The following ABCG1 variants were observed in gnomAD, a reference collection of about 807,000 sequenced individuals.
The protein encoded by ABCG1 is ATP-binding cassette sub-family G member 1.
Under a neutral mutation model 69.2 loss-of-function variants are expected in ABCG1, and 29 were observed. The observed-to-expected ratio is 0.42, with a 90% CI of 0.31 to 0.57. The LOEUF (loss-of-function observed/expected upper bound fraction) is 0.57. ABCG1 is among the 20% of genes least tolerant of loss of function. The pLI is 0.15. For synonymous variants in ABCG1, 370 were observed against 374.8 expected (o/e 0.99, Z 0.15); for missense variants, 718 against 898.1 (o/e 0.80, Z 2.56).
At chr21:42,250,829 G>C (rs1166289392) in intron 2 of ABCG1, among the ~76,000 whole-genome samples, 1 of 152,206 alleles carries the variant, frequency 6.6e-6, no homozygotes. Flanking sequence ...ATGGAGGCAG[G>C]GTCAGGAGCC....
chr21:42,259,882 C>G, intron 2 of ABCG1: 3 of 1,444,910 alleles, frequency 2.1e-6, no homozygotes, highest in Non-Finnish European at 1.8e-6. Flanking sequence ...CAAAGGAGCA[C>G]AGCGGGAGAA....
chr21:42,244,576 G>T (rs926254576), intron 2 of ABCG1, among the ~76,000 whole-genome samples: 1 of 152,148 alleles, frequency 6.6e-6, no homozygotes, highest in Non-Finnish European at 1.5e-5. Context: ...TTTTGGTGAA[G>T]AAATTGAGCT....
chr21:42,290,246 T>A, intron 11 of ABCG1, 28 bp downstream of exon 11: 1 of 1,600,262 alleles, frequency 6.2e-7, no homozygotes, highest in African/African-American at 1.3e-5. Flanking sequence ...GACCCCTTCT[T>A]CCTTATTTTC....
At chr21:42,266,300 C>T (rs2068504157) in intron 2 of ABCG1, among the ~76,000 whole-genome samples, 1 of 145,470 alleles carries the variant, frequency 6.9e-6, no homozygotes, top group Non-Finnish European at 1.5e-5. Context: ...GACTCTGTCT[C>T]AAAATAAATA....
At chr21:42,212,467 C>T (rs2067598217), upstream of ABCG1, among the ~76,000 whole-genome samples, 1 of 151,982 alleles carries the variant, frequency 6.6e-6, no homozygotes, top group Non-Finnish European at 1.5e-5. Flanking sequence ...GTTGAGGTGT[C>T]AGACAGAAAT....
At chr21:42,201,235 C>A (rs2067503701) in intron 1 of ABCG1, among the ~76,000 whole-genome samples, 1 of 152,134 alleles carries the variant, frequency 6.6e-6, no homozygotes, top group African/African-American at 2.4e-5. Context: ...CACTCCCCAG[C>A]ACGAGCACCA....
At chr21:42,215,426 T>C (rs550143199), upstream of ABCG1, among the ~76,000 whole-genome samples, 3 of 152,274 alleles carry the variant, frequency 2.0e-5, no homozygotes, top group East Asian at 5.8e-4. Flanking sequence ...GAAGGCCAGA[T>C]GGAATAAGAG....
chr21:42,286,046 T>C (rs1007815054), intron 8 of ABCG1, 52 bp downstream of exon 8: 5 of 1,299,006 alleles, frequency 3.8e-6, no homozygotes, highest in African/African-American at 2.9e-5. Context: ...TTTCCTCCTC[T>C]GTGGGTCTCA....
chr21:42,268,455 GC>G (rs1361607607), intron 2 of ABCG1, among the ~76,000 whole-genome samples: 3 of 151,920 alleles, frequency 2.0e-5, no homozygotes, highest in Non-Finnish European at 4.4e-5. Flanking sequence ...TGTTTCCTGG[GC>G]CCCTCAGCCC....
intron 13 of ABCG1, among the ~76,000 whole-genome samples, chr21:42,294,185 T>A (rs1052280831): frequency 1.3e-5 from 2 of 152,164 alleles, no homozygotes; most frequent in Non-Finnish European, 2.9e-5. Context: ...GCCACACACC[T>A]GCCACAGGCC....
chr21:42,263,241 T>C (rs2068443707), intron 2 of ABCG1, among the ~76,000 whole-genome samples: 2 of 152,224 alleles, frequency 1.3e-5, no homozygotes, highest in Non-Finnish European at 2.9e-5. Context: ...GGGGGTAATC[T>C]CCATCTCAGA....
chr21:42,233,362 G>A (rs1373668220), intron 2 of ABCG1, among the ~76,000 whole-genome samples: 3 of 152,158 alleles, frequency 2.0e-5, no homozygotes, highest in Non-Finnish European at 4.4e-5. Context: ...CCTGCCCCGT[G>A]GAGGGAGCCT....
upstream of ABCG1, among the ~76,000 whole-genome samples, chr21:42,213,341 G>A (rs1212393044): frequency 1.3e-5 from 2 of 152,238 alleles, no homozygotes; most frequent in Non-Finnish European, 2.9e-5. Context: ...AATAAACCTT[G>A]GGCTTCTGTG....
At chr21:42,284,294 C>CA (rs932612705) in intron 6 of ABCG1, among the ~76,000 whole-genome samples, 5 of 150,408 alleles carry the variant, frequency 3.3e-5, no homozygotes, top group East Asian at 1.9e-4. Flanking sequence ...GACCCCCCCC[C>CA]AGTCCTGGAC....
At chr21:42,268,033 G>C (rs2068545823) in intron 2 of ABCG1, among the ~76,000 whole-genome samples, 1 of 152,206 alleles carries the variant, frequency 6.6e-6, no homozygotes, top group Non-Finnish European at 1.5e-5. Context: ...CCATCTGGCT[G>C]TTTCAAATAC....
chr21:42,283,603 G>A (rs1385421249), intron 6 of ABCG1, among the ~76,000 whole-genome samples: 1 of 152,104 alleles, frequency 6.6e-6, no homozygotes, highest in Non-Finnish European at 1.5e-5. Flanking sequence ...GTGACTGCGG[G>A]GCACTAGACC....
chr21:42,206,406 A>T (rs1217896611), intron 2 of ABCG1, among the ~76,000 whole-genome samples: 1 of 151,836 alleles, frequency 6.6e-6, no homozygotes, highest in East Asian at 1.9e-4. Flanking sequence ...AAACAAACAC[A>T]ATCTGTACAA....
intron 2 of ABCG1, among the ~76,000 whole-genome samples, chr21:42,239,314 G>C (rs1350478819): frequency 1.3e-5 from 2 of 152,228 alleles, no homozygotes; most frequent in African/African-American, 4.8e-5. Flanking sequence ...ACTGTGACCA[G>C]CTTGTGGCAC....
chr21:42,260,078 A>C (rs777698803), intron 2 of ABCG1: 52 of 1,550,554 alleles, frequency 3.4e-5, no homozygotes, highest in Non-Finnish European at 4.4e-5. Flanking sequence ...AAGTCTTGTC[A>C]GCAGCTCATG....
Sources: gnomAD v4.1 joint callset for allele counts (sites outside exome capture counted in the v4.1 genomes callset) on GRCh38, gnomAD v4.1.1 for gene constraint, MANE v1.5 for transcripts, NCBI Gene and HGNC (gene_info 2026-07-23, HGNC 2026-07-21) for gene names.